The following BRAF variants were observed in gnomAD, a reference collection of about 807,000 sequenced individuals.
BRAF encodes the protein B-Raf proto-oncogene, serine/threonine kinase.
BRAF carries 16 observed loss-of-function variants against 104.6 expected under a neutral mutation model. The ratio of observed to expected loss-of-function variants is 0.15; its 90% CI spans 0.10 to 0.23. The LOEUF is 0.23. BRAF is among the 10% of genes least tolerant of loss of function. The probability of loss-of-function intolerance (pLI) is 1.00; values close to 1 mark genes in which losing one functional copy is unlikely to be tolerated. For missense variants in BRAF, 541 were observed against 937.3 expected, an observed-to-expected ratio of 0.58 and a Z score of 5.52; for synonymous variants, 310 against 341.6, an observed-to-expected ratio of 0.91 and a Z score of 1.02.
intron 2 of BRAF, among the ~76,000 whole-genome samples, chr7:140,842,146 T>TA (rs1808036471): frequency 6.6e-6 from 1 of 152,110 alleles, no homozygotes; most frequent in South Asian, 2.1e-4. Flanking sequence ...CTATATAGAC[T>TA]AAAAATCAGA....
intron 14 of BRAF, among the ~76,000 whole-genome samples, chr7:140,756,756 T>C (rs924976832): frequency 9.9e-5 from 15 of 152,190 alleles, no homozygotes; most frequent in Non-Finnish European, 2.2e-4. Flanking sequence ...AAAGAACAAA[T>C]ATGCTATCAA....
Position 140,724,826 on chromosome 7 carries a change from T to G in BRAF, c.*1668A>C. 1 of 1,038,212 alleles carries G rather than the reference T, an allele frequency of 9.6e-7. No individual in the cohort carries two copies. The highest frequency in any genetic ancestry group is 4.6e-5 in the South Asian group (1 of 21,742). The allele number at this position is 1,038,212 out of a possible 1,614,324, so 64.3% of individuals were successfully genotyped here. A position where few individuals can be genotyped will look rare whatever the true frequency, so the allele number is the denominator to read the frequency against. On this transcript the variant is annotated 3_prime_UTR_variant, in exon 20 of 20. Transcript: ENST00000644969. ...GTGTTCCTAAATTCTGAGTCTAGAT[T>G]CCTGATAAGGGAGGTTTTCCATTAA...
At chr7:140,905,349 T>C (rs1427462635) in intron 1 of BRAF, among the ~76,000 whole-genome samples, 1 of 152,256 alleles carries the variant, frequency 6.6e-6, no homozygotes, top group East Asian at 1.9e-4. Flanking sequence ...TTACTAAGGC[T>C]ATTAAATCTT....
At chr7:140,830,357 T>C (rs777990739) in intron 3 of BRAF, among the ~76,000 whole-genome samples, 2 of 152,218 alleles carry the variant, frequency 1.3e-5, no homozygotes, top group Non-Finnish European at 2.9e-5. Flanking sequence ...TATTGTGGTT[T>C]ATAATAATAT....
intron 14 of BRAF, among the ~76,000 whole-genome samples, chr7:140,771,131 T>C (rs1418195896): frequency 6.6e-6 from 1 of 152,146 alleles, no homozygotes; most frequent in Admixed American, 6.6e-5. Context: ...ATCCATTTTT[T>C]GCTTATATTC....
At chr7:140,880,029 G>A (rs1251918817) in intron 1 of BRAF, among the ~76,000 whole-genome samples, 1 of 152,096 alleles carries the variant, frequency 6.6e-6, no homozygotes, top group Admixed American at 6.5e-5. Flanking sequence ...ACCGTGCCCG[G>A]CCGGCAATTT....
chr7:140,924,482 C>G lies in BRAF; in HGVS notation c.138+84G>C. The G allele has an allele frequency of 6.6e-7, 1 of 1,523,338 alleles. No homozygotes were observed. The highest frequency in any genetic ancestry group is 8.8e-7 in the Non-Finnish European group (1 of 1,138,848). The allele number at this position is 1,523,338 out of a possible 1,614,324, so 94.4% of individuals were successfully genotyped here. On this transcript the variant is annotated intron_variant, in intron 1 of 19. Transcript: ENST00000644969. This position sits in a 1 kb window ranked among gnomAD's most constrained non-coding sequence, Gnocchi z 4.2. The stretch of plus-strand genomic sequence containing the variant: ...GAAGGTGGCTGAGGGCATCAAGCCC[C>G]CACCGCCGCCTCTTTCCAAAATAAA...
At chr7:140,787,971 T>TG (rs914388610) in intron 8 of BRAF, among the ~76,000 whole-genome samples, 3 of 152,192 alleles carry the variant, frequency 2.0e-5, no homozygotes, top group Non-Finnish European at 1.5e-5. Flanking sequence ...CAACACATAC[T>TG]GGGGCCTGTT....
intron 19 of BRAF, chr7:140,730,790 TTATTAAC>T (rs1366690608): frequency 6.6e-6 from 1 of 152,150 alleles, no homozygotes; most frequent in African/African-American, 2.4e-5. Flanking sequence ...GCTAAAGACT[TTATTAAC>T]TAGTTTAAAA....
At chr7:140,778,576 T>C (rs148006267) in intron 12 of BRAF, among the ~76,000 whole-genome samples, 2 of 151,956 alleles carry the variant, frequency 1.3e-5, no homozygotes, top group East Asian at 1.9e-4. Flanking sequence ...ACTAAAACTG[T>C]CACTAAAATT....
intron 1 of BRAF, among the ~76,000 whole-genome samples, chr7:140,908,554 CCA>C (rs1229197563): frequency 2.6e-5 from 4 of 152,092 alleles, no homozygotes; most frequent in African/African-American, 9.7e-5. Context: ...GGTCCCTGGA[CCA>C]CCCAGACAGA....
intron 1 of BRAF, among the ~76,000 whole-genome samples, chr7:140,914,587 A>T (rs6944385): frequency 0.3 from 45,605 of 152,036 alleles, 10,934 homozygotes; most frequent in African/African-American, 0.67. Flanking sequence ...TTCTGAGTTA[A>T]TTAGGAGTAA....
chr7:140,778,708 A>G (rs1800561741), intron 12 of BRAF, among the ~76,000 whole-genome samples: 1 of 151,688 alleles, frequency 6.6e-6, no homozygotes, highest in Non-Finnish European at 1.5e-5. Context: ...TAATAATAAA[A>G]AAAGAAAATG....
intron 1 of BRAF, among the ~76,000 whole-genome samples, chr7:140,904,920 G>A (rs1816128002): frequency 6.8e-6 from 1 of 147,976 alleles, no homozygotes; most frequent in South Asian, 2.1e-4. Context: ...TTATTTCCAA[G>A]TATTAATAGT....
At chr7:140,800,863 A>G (rs543554492) in intron 6 of BRAF, among the ~76,000 whole-genome samples, 37 of 152,330 alleles carry the variant, frequency 2.4e-4, no homozygotes, top group African/African-American at 7.9e-4. Flanking sequence ...CAGCAGCAGC[A>G]CCAATGACAC....
chr7:140,906,088 A>AAAAAAAAAAAT (rs1491299766), intron 1 of BRAF, among the ~76,000 whole-genome samples: 1 of 100,250 alleles, frequency 1.0e-5, no homozygotes, highest in African/African-American at 6.6e-5. Context: ...ACTCCGTCTC[A>AAAAAAAAAAAT]AAAAAAAAAA....
intron 14 of BRAF, among the ~76,000 whole-genome samples, chr7:140,759,480 G>A (rs569809356): frequency 4.6e-5 from 7 of 152,160 alleles, no homozygotes; most frequent in South Asian, 2.1e-4. Flanking sequence ...TCTGCCTCCC[G>A]GGTTCAAGTG....
chr7:140,827,637 A>G (rs1384703313), intron 3 of BRAF, among the ~76,000 whole-genome samples: 1 of 152,228 alleles, frequency 6.6e-6, no homozygotes, highest in Admixed American at 6.5e-5. Context: ...TTTGTGACAC[A>G]GGCTGAAGGC....
chr7:140,845,806 T>C (rs955308633), intron 2 of BRAF, among the ~76,000 whole-genome samples: 8 of 152,082 alleles, frequency 5.3e-5, no homozygotes, highest in African/African-American at 1.9e-4. Flanking sequence ...GCCTCCTGAA[T>C]TGCTGGGATT....
Sources: gnomAD v4.1 joint callset for allele counts (sites outside exome capture counted in the v4.1 genomes callset) on GRCh38, gnomAD v4.1.1 for gene constraint, Gnocchi (gnomAD v3.1) non-coding constraint, MANE v1.5 for transcripts, NCBI Gene and HGNC (gene_info 2026-07-23, HGNC 2026-07-21) for gene names.